SOX6: variants seen among roughly 807,000 people sequenced by gnomAD.
SOX6 encodes the protein transcription factor SOX-6.
Under a neutral mutation model 97.8 loss-of-function variants are expected in SOX6, and 11 were observed. The ratio of observed to expected loss-of-function variants is 0.11; its 90% CI spans 0.07 to 0.19. SOX6 has a LOEUF of 0.19. Ranked by LOEUF, SOX6 falls within the 10% of genes least tolerant of loss-of-function variation. The pLI is 1.00. For missense variants in SOX6, 810 were observed against 1,039.5 expected (o/e 0.78, Z 3.04); for synonymous variants, 360 against 371.4 (o/e 0.97, Z 0.35).
intron 4 of SOX6, among the ~76,000 whole-genome samples, chr11:16,188,882 G>T (rs1431371092): frequency 6.6e-6 from 1 of 152,010 alleles, no homozygotes; most frequent in African/African-American, 2.4e-5. Flanking sequence ...GACCAATACG[G>T]TGAATCCCCT....
At chr11:16,101,915 C>T (rs543167743) in intron 7 of SOX6, among the ~76,000 whole-genome samples, 2 of 151,746 alleles carry the variant, frequency 1.3e-5, no homozygotes, top group Non-Finnish European at 2.9e-5. Context: ...AAACCCACAG[C>T]GAACATTATA....
chr11:16,416,998 A>G (rs572881747), intron 1 of SOX6, among the ~76,000 whole-genome samples: 1 of 152,282 alleles, frequency 6.6e-6, no homozygotes, highest in East Asian at 1.9e-4. Flanking sequence ...GTCCTTTCAT[A>G]CTGGACGAAT....
At chr11:16,075,939 C>A (rs1009509475) in intron 9 of SOX6, among the ~76,000 whole-genome samples, 3 of 151,922 alleles carry the variant, frequency 2.0e-5, no homozygotes, top group African/African-American at 7.3e-5. Flanking sequence ...CAGGAAGAAC[C>A]TTTCCGCATG....
At chr11:16,140,787 T>C (rs1434457099) in intron 6 of SOX6, among the ~76,000 whole-genome samples, 3 of 152,350 alleles carry the variant, frequency 2.0e-5, no homozygotes, top group Non-Finnish European at 1.5e-5. Context: ...TTCAGTGTTA[T>C]GTTCTGCCAT....
intron 1 of SOX6, among the ~76,000 whole-genome samples, chr11:16,464,007 G>A (rs1167550527): frequency 2.0e-5 from 3 of 152,008 alleles, no homozygotes; most frequent in Non-Finnish European, 4.4e-5. Flanking sequence ...ACACAACTAG[G>A]GACATCCCTG....
At chr11:16,259,345 G>A (rs1399104736) in intron 3 of SOX6, among the ~76,000 whole-genome samples, 1 of 151,828 alleles carries the variant, frequency 6.6e-6, no homozygotes, top group Non-Finnish European at 1.5e-5. Context: ...ACATTCTTAA[G>A]AAGTAAATTC....
intron 3 of SOX6, among the ~76,000 whole-genome samples, chr11:16,308,003 T>C (rs297366): frequency 0.44 from 67,250 of 151,966 alleles, 15,184 homozygotes; most frequent in East Asian, 0.48. Flanking sequence ...TACTCAGTTA[T>C]ACTTAAACTC....
chr11:16,526,579 C>T (rs1045188771), intron 4 of SOX6, among the ~76,000 whole-genome samples: 17 of 151,932 alleles, frequency 1.1e-4, no homozygotes, highest in Non-Finnish European at 2.2e-4. Context: ...CACATGTATA[C>T]ATATGTAACT....
chr11:16,256,263 C>T (rs1284655601), intron 3 of SOX6, among the ~76,000 whole-genome samples: 1 of 151,886 alleles, frequency 6.6e-6, no homozygotes, highest in Non-Finnish European at 1.5e-5. Flanking sequence ...AAAAACCATA[C>T]ATCAGTAACT....
intron 4 of SOX6, among the ~76,000 whole-genome samples, chr11:16,486,588 C>A (rs577435410): frequency 1.3e-5 from 2 of 152,170 alleles, no homozygotes; most frequent in South Asian, 4.1e-4. Flanking sequence ...TGGCTGGGTG[C>A]GGTGGCTCAC....
chr11:16,601,811 C>T (rs7932345), intron 4 of SOX6, among the ~76,000 whole-genome samples: 1 of 151,982 alleles, frequency 6.6e-6, no homozygotes, highest in African/African-American at 2.4e-5. Context: ...GACATAAAAT[C>T]TCAATAATGC....
intron 1 of SOX6, among the ~76,000 whole-genome samples, chr11:16,342,150 TC>T (rs1856658086): frequency 6.6e-6 from 1 of 151,976 alleles, no homozygotes; most frequent in African/African-American, 2.4e-5. Flanking sequence ...TGACAACGTC[TC>T]CATTCTGTGC....
In SOX6 at chr11:16,015,029, A is replaced by G. The variant is rs899215367; in HGVS notation, c.1645T>C (p.Leu549=). Residue 549 remains leucine, a synonymous_variant, in exon 13 of 16, where the codon TTG becomes CTG. Transcript: ENST00000683767. ...NEKERTRFEN[L]GPQLTGKSNE... ...GACTTTCCCGTTAACTGGGGCCCCA[A>G]ATTCTCAAAGCGCGTTCTTTCCTAG... 4 of 1,612,774 alleles carry G rather than the reference A, an allele frequency of 2.5e-6. No individual in the cohort carries two copies. The highest frequency in any genetic ancestry group is 3.4e-6 in the Non-Finnish European group (4 of 1,179,316).
intron 3 of SOX6, among the ~76,000 whole-genome samples, chr11:16,262,219 T>A (rs1853922554): frequency 6.6e-6 from 1 of 152,076 alleles, no homozygotes; most frequent in African/African-American, 2.4e-5. Context: ...GAACATAACT[T>A]CTTACTACTA....
intron 3 of SOX6, among the ~76,000 whole-genome samples, chr11:16,671,390 C>T (rs1192676668): frequency 6.6e-6 from 1 of 152,078 alleles, no homozygotes; most frequent in East Asian, 1.9e-4. Flanking sequence ...TCCAAGAAAA[C>T]AAGAATTGCA....
chr11:15,982,088 G>C (rs12289568), intron 15 of SOX6, among the ~76,000 whole-genome samples: 3 of 151,902 alleles, frequency 2.0e-5, no homozygotes, highest in Admixed American at 6.6e-5. Context: ...TAGTATTTGA[G>C]CCAGACTAGT....
chr11:16,141,199 T>C (rs1444626354), intron 6 of SOX6, among the ~76,000 whole-genome samples: 2 of 152,216 alleles, frequency 1.3e-5, no homozygotes, highest in Non-Finnish European at 2.9e-5. Context: ...CAAGCAGCAT[T>C]TGGATTTCTC....
At chr11:16,724,818 A>AGG (rs1436296078) in intron 2 of SOX6, among the ~76,000 whole-genome samples, 2 of 152,214 alleles carry the variant, frequency 1.3e-5, no homozygotes, top group African/African-American at 4.8e-5. Flanking sequence ...TCAACACTGA[A>AGG]GGTAACTTCA....
intron 4 of SOX6, among the ~76,000 whole-genome samples, chr11:16,591,328 T>C (rs545862756): frequency 1.3e-5 from 1 of 76,934 alleles, no homozygotes; most frequent in Non-Finnish European, 2.8e-5. Flanking sequence ...CATAGATAGA[T>C]AGATAGATAG....
Sources: allele counts gnomAD v4.1 joint callset (sites outside exome capture counted in the v4.1 genomes callset), GRCh38; gene constraint gnomAD v4.1.1; transcripts MANE v1.5; gene names NCBI Gene and HGNC (gene_info 2026-07-23, HGNC 2026-07-21).